The following CWC27 variants were observed in gnomAD, a reference collection of about 807,000 sequenced individuals.
CWC27 encodes CWC27 spliceosome associated cyclophilin, also known as spliceosome-associated protein CWC27 homolog.
Under a neutral mutation model 63.6 loss-of-function variants are expected in CWC27, and 47 were observed. The ratio of observed to expected loss-of-function variants is 0.74; its 90% CI spans 0.58 to 0.94. The LOEUF is 0.94. Ranked by LOEUF, CWC27 falls within the 40% of genes least tolerant of loss-of-function variation. CWC27 has a pLI of 0.00. For synonymous variants in CWC27, 175 were observed against 179.8 expected, an observed-to-expected ratio of 0.97 and a Z score of 0.22; for missense variants, 495 against 554.3, an observed-to-expected ratio of 0.89 and a Z score of 1.07.
rs779146470 is a variant in CWC27, at chr5:64,781,936, C to T, written c.155C>T (p.Thr52Ile). The T allele has an allele frequency of 6.4e-7, 1 of 1,570,220 alleles. No homozygotes were observed. Among genetic ancestry groups the T allele is most frequent in the South Asian group, 1.2e-5 (1 of 86,794 alleles). The change falls in exon 3 of 14, where the codon ACC becomes ATC. Residue 52 changes from threonine to isoleucine, a missense_variant. Thr to Ile is a moderately conservative substitution (Grantham distance 89). Transcript: ENST00000381070. Reference sequence around the variant, plus strand: ...TTTTTTTCAGCTTATTATGACAATACCATTTTTCATAGAGTTGTGCCTGGT... The same window carrying T: ...TTTTTTTCAGCTTATTATGACAATATCATTTTTCATAGAGTTGTGCCTGGT... ...QLCLEAYYDNTIFHRVVPGFI... is the reference protein window; with the variant it reads ...QLCLEAYYDNIIFHRVVPGFI...
intron 11 of CWC27, among the ~76,000 whole-genome samples, chr5:64,936,327 C>T (rs763633408): frequency 2.0e-5 from 3 of 152,162 alleles, no homozygotes; most frequent in East Asian, 1.9e-4. Context: ...TGAATTTTAT[C>T]GAAGGCCTTT....
intron 10 of CWC27, among the ~76,000 whole-genome samples, chr5:64,820,367 T>C (rs1021875197): frequency 1.3e-5 from 2 of 151,932 alleles, no homozygotes; most frequent in African/African-American, 4.8e-5. Context: ...CTTTATCTGC[T>C]TCACATCACT....
chr5:64,806,967 A>G (rs549022658), intron 10 of CWC27, among the ~76,000 whole-genome samples: 72 of 152,376 alleles, frequency 4.7e-4, no homozygotes, highest in African/African-American at 1.7e-3. Context: ...GAAAAACTAC[A>G]ACGTGGTAAA....
chr5:64,813,983 C>T (rs916359497), intron 10 of CWC27, among the ~76,000 whole-genome samples: 1 of 152,152 alleles, frequency 6.6e-6, no homozygotes, highest in Non-Finnish European at 1.5e-5. Flanking sequence ...CAACCCGTGG[C>T]CCATGGGTCA....
intron 2 of CWC27, among the ~76,000 whole-genome samples, chr5:64,780,694 C>CGT (rs1195646400): frequency 1.0e-4 from 5 of 48,908 alleles, no homozygotes; most frequent in East Asian, 1.5e-3. Context: ...CACGCGCACA[C>CGT]GCGCGCACAC....
chr5:64,885,356 G>A (rs934452599), intron 10 of CWC27, 87 bp from the exon 11 acceptor site: 3 of 789,450 alleles, frequency 3.8e-6, no homozygotes, highest in Admixed American at 3.0e-5. Flanking sequence ...ATTTTTCTTA[G>A]ATGTAGTATA....
chr5:64,985,785 C>T (rs1450162641), intron 13 of CWC27, among the ~76,000 whole-genome samples: 2 of 152,130 alleles, frequency 1.3e-5, no homozygotes, highest in African/African-American at 4.8e-5. Flanking sequence ...AGTATGAAGA[C>T]AAATAGGAGT....
intron 2 of CWC27, among the ~76,000 whole-genome samples, chr5:64,778,991 A>C (rs1743558029): frequency 1.3e-5 from 2 of 152,356 alleles, no homozygotes; most frequent in African/African-American, 4.8e-5. Flanking sequence ...TATACTTTGC[A>C]AATATAAATA....
intron 11 of CWC27, among the ~76,000 whole-genome samples, chr5:64,931,639 C>A (rs560516603): frequency 6.6e-6 from 1 of 151,930 alleles, no homozygotes; most frequent in Non-Finnish European, 1.5e-5. Flanking sequence ...AATTTTATTT[C>A]TCCCCCTTCC....
intron 7 of CWC27, among the ~76,000 whole-genome samples, chr5:64,793,900 G>C (rs2052278968): frequency 6.6e-6 from 1 of 152,082 alleles, no homozygotes; most frequent in Non-Finnish European, 1.5e-5. Flanking sequence ...AGTCCTCTCT[G>C]GTTTATGGAT....
chr5:64,787,610 T>C (rs1236054830), intron 6 of CWC27, among the ~76,000 whole-genome samples: 5 of 151,890 alleles, frequency 3.3e-5, no homozygotes, highest in African/African-American at 1.2e-4. Flanking sequence ...AGTATTCTGG[T>C]TTATTTCCAG....
intron 10 of CWC27, among the ~76,000 whole-genome samples, chr5:64,832,307 A>T (rs1745546221): frequency 6.6e-6 from 1 of 151,870 alleles, no homozygotes; most frequent in Non-Finnish European, 1.5e-5. Flanking sequence ...ATTTTCAAAA[A>T]CATCTTTCAG....
chr5:64,826,091 C>CTATCTATCTATCTATCTATCTATG lies in CWC27; in HGVS notation c.938+21728_938+21729insGTATCTATCTATCTATCTATCTAT, dbSNP rs1399917543. ...CTTTGTAATAAATCTATCTATCTAT[C>CTATCTATCTATCTATCTATCTATG]TATCTATCTATCTATCTATCTATCC... On this transcript the variant is annotated intron_variant, in intron 10 of 13. Coordinates refer to ENST00000381070, the MANE Select transcript of CWC27 (RefSeq NM_005869.4). Among the ~76,000 whole-genome samples the CTATCTATCTATCTATCTATCTATG allele has an allele frequency of 2.7e-3, 415 of 152,126 alleles. 2 individuals are homozygous for CTATCTATCTATCTATCTATCTATG. The highest frequency in any genetic ancestry group is 3.5e-3 in the Non-Finnish European group (237 of 67,994).
chr5:64,979,683 G>A (rs1020289206), intron 13 of CWC27, among the ~76,000 whole-genome samples: 7 of 152,132 alleles, frequency 4.6e-5, no homozygotes, highest in African/African-American at 7.2e-5. Flanking sequence ...CACGGTTGCC[G>A]CTTTTCTAAG....
chr5:64,801,319 C>T lies in CWC27; in HGVS notation c.767C>T (p.Pro256Leu). ...PVVESEKGDA[P>L]DLVDDGEDES... Reference sequence around the variant, plus strand: ...TTTTATAGTGAAAAAGGTGATGCACCAGATTTAGTTGATGTAAGTATTTAT... The same window carrying T: ...TTTTATAGTGAAAAAGGTGATGCACTAGATTTAGTTGATGTAAGTATTTAT... The change falls in exon 9 of 14, where the codon CCA becomes CTA. Residue 256 changes from proline (P) to leucine (L), a missense_variant. Physicochemically the swap from Pro to Leu is moderately conservative, Grantham distance 98 (BLOSUM62 -3). Coordinates refer to ENST00000381070, the MANE Select transcript of CWC27 (RefSeq NM_005869.4). The T allele has an allele frequency of 7.2e-7, 1 of 1,393,976 alleles. No individual in the cohort carries two copies. The highest frequency in any genetic ancestry group is 9.6e-7 in the Non-Finnish European group (1 of 1,036,650). The allele number at this position is 1,393,976 out of a possible 1,614,324, so 86.4% of individuals were successfully genotyped here.
intron 5 of CWC27, 87 bp downstream of exon 5, chr5:64,785,666 G>A: frequency 3.8e-6 from 3 of 793,606 alleles, no homozygotes; most frequent in South Asian, 3.4e-5. Flanking sequence ...ATTGGATTAA[G>A]GCTTTATACT....
chr5:64,884,977 T>G (rs1467083257), intron 10 of CWC27, among the ~76,000 whole-genome samples: 2 of 152,236 alleles, frequency 1.3e-5, no homozygotes, highest in Non-Finnish European at 2.9e-5. Flanking sequence ...GTTAAAAGTT[T>G]GTAGCGTGAC....
chr5:64,917,389 C>T (rs1580725420), intron 11 of CWC27, among the ~76,000 whole-genome samples: 2 of 152,306 alleles, frequency 1.3e-5, no homozygotes, highest in South Asian at 2.1e-4. Context: ...TTGCTCTCAA[C>T]TGCTTCAGGA....
At chr5:64,858,439 G>A (rs1274483927) in intron 10 of CWC27, among the ~76,000 whole-genome samples, 1 of 149,692 alleles carries the variant, frequency 6.7e-6, no homozygotes, top group Non-Finnish European at 1.5e-5. Context: ...TCCAGCCTGG[G>A]TGACAGAGTG....
Sources: allele counts gnomAD v4.1 joint callset (sites outside exome capture counted in the v4.1 genomes callset), GRCh38; gene constraint gnomAD v4.1.1; transcripts MANE v1.5; gene names NCBI Gene and HGNC (gene_info 2026-07-23, HGNC 2026-07-21).